DIPK1A: variants seen among roughly 807,000 people sequenced by gnomAD.
DIPK1A encodes divergent protein kinase domain 1A, also known as family with sequence similarity 69 member A.
A neutral mutation model predicts 40.8 loss-of-function variants in DIPK1A; 27 were observed. That is an observed-to-expected ratio of 0.66 (90% CI 0.49 to 0.91). The LOEUF is 0.91. DIPK1A is among the 40% of genes least tolerant of loss of function. DIPK1A has a pLI of 0.00. For synonymous variants in DIPK1A, 166 were observed against 171.3 expected (o/e 0.97, Z 0.24); for missense variants, 412 against 505.7 (o/e 0.81, Z 1.78).
intron 1 of DIPK1A, among the ~76,000 whole-genome samples, chr1:92,915,053 A>C (rs1365301512): frequency 7.3e-6 from 1 of 136,086 alleles, no homozygotes; most frequent in Admixed American, 7.6e-5. Flanking sequence ...GCACCACTGC[A>C]CTTCAGCCTG....
intron 1 of DIPK1A, among the ~76,000 whole-genome samples, chr1:92,901,777 G>A (rs1171337441): frequency 6.6e-6 from 1 of 152,110 alleles, no homozygotes; most frequent in Non-Finnish European, 1.5e-5. Flanking sequence ...CTGGGAGGCA[G>A]GGAATGCACA....
At chr1:92,922,278 A>T (rs1326808259) in intron 1 of DIPK1A, among the ~76,000 whole-genome samples, 1 of 150,830 alleles carries the variant, frequency 6.6e-6, no homozygotes, top group Non-Finnish European at 1.5e-5. Context: ...TAGTCATTTA[A>T]TTTTTTAACA....
intron 2 of DIPK1A, among the ~76,000 whole-genome samples, chr1:92,863,748 T>C (rs1280779644): frequency 6.6e-6 from 1 of 151,968 alleles, no homozygotes; most frequent in Non-Finnish European, 1.5e-5. Flanking sequence ...GAAAAAAGCT[T>C]GTACTTTAAA....
intron 3 of DIPK1A, among the ~76,000 whole-genome samples, chr1:92,850,580 C>T (rs1041961301): frequency 6.6e-6 from 1 of 152,086 alleles, no homozygotes; most frequent in Non-Finnish European, 1.5e-5. Flanking sequence ...ACATGGGAGG[C>T]TGAGGTGGGA....
chr1:92,837,631 A>G (rs200087538), downstream of DIPK1A: 1 of 1,611,510 alleles, frequency 6.2e-7, no homozygotes, highest in Non-Finnish European at 8.5e-7. Flanking sequence ...AACTCCAGAC[A>G]TGGTAAAACA....
At chr1:92,912,234 T>C (rs923560221) in intron 1 of DIPK1A, among the ~76,000 whole-genome samples, 1 of 152,010 alleles carries the variant, frequency 6.6e-6, no homozygotes, top group Admixed American at 6.6e-5. Flanking sequence ...AGGATACTTA[T>C]TAGGAAGAGA....
chr1:92,840,765 G>C (rs988079975), downstream of DIPK1A: 2 of 782,098 alleles, frequency 2.6e-6, no homozygotes, highest in Non-Finnish European at 4.6e-6. Context: ...GAAGCGAAGG[G>C]AACCAGGTTT....
At chr1:92,839,031 C>CTTTT (rs35078348), downstream of DIPK1A, among the ~76,000 whole-genome samples, 5 of 118,304 alleles carry the variant, frequency 4.2e-5, no homozygotes, top group Non-Finnish European at 5.2e-5. Flanking sequence ...AGAGTTGCAG[C>CTTTT]TTTTTTTTTT....
At chr1:92,878,001 G>A (rs1299681550) in intron 1 of DIPK1A, among the ~76,000 whole-genome samples, 1 of 152,202 alleles carries the variant, frequency 6.6e-6, no homozygotes, top group African/African-American at 2.4e-5. Flanking sequence ...TACTGTCAGT[G>A]GCTATCATCT....
intron 4 of DIPK1A, chr1:92,833,302 A>G (rs1390774797): frequency 3.7e-6 from 4 of 1,080,484 alleles, no homozygotes; most frequent in Non-Finnish European, 5.7e-6. Context: ...TTGAAGTTCA[A>G]GTGTTACTTT....
Position 92,870,549 on chromosome 1 carries a change from C to T in DIPK1A, c.189+5747G>A, listed in dbSNP as rs149583064. On this transcript the variant is annotated intron_variant, in intron 2 of 4. Transcript: ENST00000370310. ...CCTGGATTTTGATTTTTAAATACAG[C>T]CTCACAATCTTTGTCTTTCAACTAA... Among the ~76,000 whole-genome samples, 3 of 152,240 alleles carry T rather than the reference C, an allele frequency of 2.0e-5. No homozygotes were observed. In the East Asian group the frequency reaches 5.8e-4, roughly 29 times the overall value.
intron 1 of DIPK1A, among the ~76,000 whole-genome samples, chr1:92,914,638 G>T (rs913139925): frequency 1.3e-5 from 2 of 151,764 alleles, no homozygotes; most frequent in African/African-American, 4.8e-5. Flanking sequence ...GCACAGTGGT[G>T]GGCACCTGTA....
intron 2 of DIPK1A, among the ~76,000 whole-genome samples, chr1:92,852,255 T>C (rs1421580996): frequency 1.3e-5 from 2 of 152,174 alleles, no homozygotes; most frequent in African/African-American, 4.8e-5. Context: ...TCCCAGCACT[T>C]TGGGGGGCCG....
chr1:92,833,747 G>A, intron 4 of DIPK1A: 1 of 1,065,040 alleles, frequency 9.4e-7, no homozygotes, highest in Non-Finnish European at 1.4e-6. Flanking sequence ...GTGTTAGAAG[G>A]GCTGTCTAGC....
intron 1 of DIPK1A, among the ~76,000 whole-genome samples, chr1:92,929,626 T>C (rs1427315867): frequency 2.0e-5 from 3 of 152,180 alleles, no homozygotes; most frequent in Non-Finnish European, 4.4e-5. Context: ...ATCTTTTCTT[T>C]CACTTCCTTT....
chr1:92,851,541 T>TAAAAAAAA (rs1687818798), intron 2 of DIPK1A, among the ~76,000 whole-genome samples: 6 of 2,906 alleles, frequency 2.1e-3, no homozygotes, highest in Admixed American at 9.0e-3. Flanking sequence ...AGACCCTATC[T>TAAAAAAAA]CAAAAAAAAA....
At chr1:92,891,954 T>G (rs1177639647) in intron 1 of DIPK1A, among the ~76,000 whole-genome samples, 1 of 151,328 alleles carries the variant, frequency 6.6e-6, no homozygotes, top group Non-Finnish European at 1.5e-5. Flanking sequence ...GCAGCGAGGC[T>G]GGGGGAGGGG....
intron 2 of DIPK1A, among the ~76,000 whole-genome samples, chr1:92,870,613 A>C (rs751874988): frequency 6.6e-6 from 1 of 152,186 alleles, no homozygotes; most frequent in Non-Finnish European, 1.5e-5. Context: ...AATTACCATC[A>C]TATGTGGGTT....
In DIPK1A at chr1:92,843,484, G is replaced by C; in HGVS notation, c.1186C>G (p.Leu396Val). The C allele has an allele frequency of 6.4e-7, 1 of 1,551,454 alleles. No individual in the cohort carries two copies. Among genetic ancestry groups the C allele is most frequent in the South Asian group, 1.2e-5 (1 of 84,040 alleles). The change falls in exon 5 of 5, where the codon CTC becomes GTC. Residue 396 changes from leucine to valine, a missense_variant. Physicochemically the swap from Leu to Val is conservative, Grantham distance 32. Transcript: ENST00000370310. ...TCCATTTGATTTGCTGTGACTTTGA[G>C]AGCAATACAAGAATAAAGCTGCTTT... Reference protein sequence around the residue: ...LEKQLYSCIALKVTANQMEME... With the variant: ...LEKQLYSCIAVKVTANQMEME...
Sources: allele counts gnomAD v4.1 joint callset (sites outside exome capture counted in the v4.1 genomes callset), GRCh38; gene constraint gnomAD v4.1.1; transcripts MANE v1.5; gene names NCBI Gene and HGNC (gene_info 2026-07-23, HGNC 2026-07-21).